Variants in CACNG3 observed in about 807,000 individuals in gnomAD.
The protein encoded by CACNG3 is voltage-dependent calcium channel gamma-3 subunit.
Under a neutral mutation model 28.5 loss-of-function variants are expected in CACNG3, and 3 were observed. The observed-to-expected ratio is 0.11, with a 90% CI of 0.05 to 0.27. The LOEUF (loss-of-function observed/expected upper bound fraction) is 0.27. Ranked by LOEUF, CACNG3 falls within the 10% of genes least tolerant of loss-of-function variation. CACNG3 has a pLI of 1.00. For missense variants in CACNG3, 236 were observed against 414.4 expected (o/e 0.57, Z 3.74); for synonymous variants, 174 against 162.2 (o/e 1.07, Z -0.55).
chr16:24,290,217 A>G (rs1049126438), intron 1 of CACNG3, among the ~76,000 whole-genome samples: 1 of 152,190 alleles, frequency 6.6e-6, no homozygotes, highest in Non-Finnish European at 1.5e-5. Context: ...TGTTCCAGAA[A>G]GAATTGGAGA....
intron 1 of CACNG3, among the ~76,000 whole-genome samples, chr16:24,340,980 C>T (rs1234203310): frequency 6.6e-6 from 1 of 152,260 alleles, no homozygotes; most frequent in Admixed American, 6.5e-5. Context: ...CTCTTCTCTG[C>T]ATCCTGACTT....
At chr16:24,333,408 A>AT (rs1567221091) in intron 1 of CACNG3, 1 of 152,302 alleles carries the variant, frequency 6.6e-6, no homozygotes, top group Non-Finnish European at 1.5e-5. Context: ...TCTTAAAAAA[A>AT]TTTTCAAAGT....
At chr16:24,297,125 C>T (rs1423966485) in intron 1 of CACNG3, among the ~76,000 whole-genome samples, 1 of 151,990 alleles carries the variant, frequency 6.6e-6, no homozygotes, top group African/African-American at 2.4e-5. Flanking sequence ...CAAGGTGTTG[C>T]AAGACTGTGC....
intron 1 of CACNG3, among the ~76,000 whole-genome samples, chr16:24,342,665 A>C (rs574490178): frequency 6.6e-6 from 1 of 152,366 alleles, no homozygotes; most frequent in South Asian, 2.1e-4. Context: ...TGGCTTCATG[A>C]GGAGCCTAAT....
At chr16:24,344,259 C>A (rs2141378943) in intron 1 of CACNG3, among the ~76,000 whole-genome samples, 2 of 152,086 alleles carry the variant, frequency 1.3e-5, no homozygotes, top group East Asian at 1.9e-4. Context: ...TGGTGAAACC[C>A]TGTCTCTACT....
At position 24,263,831 on chromosome 16, in the gene CACNG3, A is replaced by G. The variant is rs117542424; in HGVS notation, c.211+6866A>G. Among the ~76,000 whole-genome samples the G allele has an allele frequency of 6.2e-4, 94 of 152,356 alleles. 4 individuals carry two copies. In the East Asian group the frequency reaches 0.013, roughly 21 times the overall value. On this transcript the variant is annotated intron_variant, in intron 1 of 3. Coordinates refer to ENST00000005284, the MANE Select transcript of CACNG3 (RefSeq NM_006539.4). ...ATTTATGCATTTCTACACAAGATCCATTTGCTAAGACAAACAATAAGTTAG... is the reference window on the plus strand; with the variant it reads ...ATTTATGCATTTCTACACAAGATCCGTTTGCTAAGACAAACAATAAGTTAG...
At chr16:24,315,738 T>C (rs2238512) in intron 1 of CACNG3, among the ~76,000 whole-genome samples, 42,424 of 151,566 alleles carry the variant, frequency 0.28, 6,251 homozygotes, top group African/African-American at 0.38. Flanking sequence ...TCACTGTAAC[T>C]TTCACCTCTT....
chr16:24,293,818 G>C (rs1898996205), intron 1 of CACNG3, among the ~76,000 whole-genome samples: 1 of 152,104 alleles, frequency 6.6e-6, no homozygotes, highest in African/African-American at 2.4e-5. Flanking sequence ...GTTCTCGAAA[G>C]AGCCAAGGGA....
intron 1 of CACNG3, among the ~76,000 whole-genome samples, chr16:24,271,564 A>G (rs1188112858): frequency 2.0e-5 from 3 of 152,146 alleles, no homozygotes; most frequent in Non-Finnish European, 2.9e-5. Flanking sequence ...AGATCCAACA[A>G]GAGATGCAAA....
At chr16:24,267,961 G>A (rs1054501705) in intron 1 of CACNG3, among the ~76,000 whole-genome samples, 7 of 152,230 alleles carry the variant, frequency 4.6e-5, no homozygotes, top group Middle Eastern at 3.4e-3. Context: ...GTGAGCTACC[G>A]TGCCCGGCCT....
intron 1 of CACNG3, among the ~76,000 whole-genome samples, chr16:24,295,051 C>T (rs1899013446): frequency 1.3e-5 from 2 of 152,252 alleles, no homozygotes; most frequent in South Asian, 4.2e-4. Flanking sequence ...GCAGTGTGTG[C>T]TTTTAAAGGA....
At chr16:24,338,226 T>C (rs191636278) in intron 1 of CACNG3, among the ~76,000 whole-genome samples, 2 of 152,280 alleles carry the variant, frequency 1.3e-5, no homozygotes, top group Non-Finnish European at 2.9e-5. Context: ...TTTTTTCAGG[T>C]CTGAGCTCAA....
At chr16:24,258,377 A>G (rs1898496898) in intron 1 of CACNG3, among the ~76,000 whole-genome samples, 1 of 152,216 alleles carries the variant, frequency 6.6e-6, no homozygotes, top group Non-Finnish European at 1.5e-5. Context: ...TGCAGCAAGG[A>G]TCATGTGAAG....
chr16:24,340,158 C>T (rs1214044922), intron 1 of CACNG3, among the ~76,000 whole-genome samples: 1 of 152,054 alleles, frequency 6.6e-6, no homozygotes, highest in Admixed American at 6.6e-5. Context: ...CTAGTCCCAG[C>T]TACATGGGAG....
intron 2 of CACNG3, among the ~76,000 whole-genome samples, chr16:24,348,388 C>T (rs574701115): frequency 3.3e-5 from 5 of 152,102 alleles, no homozygotes; most frequent in South Asian, 2.1e-4. Flanking sequence ...TGTGCCATTG[C>T]GCTAATCAAT....
chr16:24,318,270 C>T (rs940465172), intron 1 of CACNG3, among the ~76,000 whole-genome samples: 2 of 152,156 alleles, frequency 1.3e-5, no homozygotes, highest in Admixed American at 6.5e-5. Flanking sequence ...CAGCTCACTG[C>T]AACCTCCATC....
chr16:24,281,704 C>A (rs975315089), intron 1 of CACNG3, among the ~76,000 whole-genome samples: 1 of 152,174 alleles, frequency 6.6e-6, no homozygotes, highest in Non-Finnish European at 1.5e-5. Context: ...GGGCATAGAT[C>A]CCCAAAGATA....
intron 1 of CACNG3, among the ~76,000 whole-genome samples, chr16:24,317,038 T>C (rs1899361168): frequency 6.6e-6 from 1 of 152,108 alleles, no homozygotes; most frequent in African/African-American, 2.4e-5. Context: ...GTTTCCTACA[T>C]AGGGAACTCC....
chr16:24,263,477 G>A (rs565456209), intron 1 of CACNG3, among the ~76,000 whole-genome samples: 3 of 152,252 alleles, frequency 2.0e-5, no homozygotes, highest in South Asian at 4.2e-4. Flanking sequence ...AAACCCCAAG[G>A]TTGTTTTAAT....
Sources: allele counts gnomAD v4.1 joint callset (sites outside exome capture counted in the v4.1 genomes callset), GRCh38; gene constraint gnomAD v4.1.1; transcripts MANE v1.5; gene names NCBI Gene and HGNC (gene_info 2026-07-23, HGNC 2026-07-21).